Variants in SH2D4A observed in about 807,000 individuals in gnomAD.
The protein encoded by SH2D4A is SH2 domain-containing protein 4A.
SH2D4A carries 70 observed loss-of-function variants against 64.7 expected under a neutral mutation model. The ratio of observed to expected loss-of-function variants is 1.08; its 90% CI spans 0.89 to 1.32. SH2D4A has a LOEUF of 1.32. Among genes scored for constraint, SH2D4A ranks in the 40% most tolerant of loss-of-function variants. The pLI is 0.00. For synonymous variants in SH2D4A, 268 were observed against 200.7 expected, an observed-to-expected ratio of 1.34 and a Z score of -2.83; for missense variants, 706 against 540.1, an observed-to-expected ratio of 1.31 and a Z score of -3.04.
chr8:19,383,955 G>C (rs2053342274), intron 8 of SH2D4A, among the ~76,000 whole-genome samples: 1 of 152,174 alleles, frequency 6.6e-6, no homozygotes, highest in African/African-American at 2.4e-5. Context: ...AAGTAAATCA[G>C]CTGATATGTA....
intron 5 of SH2D4A, 44 bp from the exon 6 acceptor site, chr8:19,361,159 T>A (rs2153648208): frequency 8.1e-7 from 1 of 1,239,092 alleles, no homozygotes; most frequent in East Asian, 2.5e-5. Context: ...GTTCTTTTTT[T>A]GTTTTGTTTT....
intron 1 of SH2D4A, chr8:19,314,110 T>G: frequency 1.2e-6 from 1 of 829,466 alleles, no homozygotes; most frequent in Non-Finnish European, 1.5e-6. Flanking sequence ...CCTGGGGGCT[T>G]GCAGGGGGTG....
intron 6 of SH2D4A, among the ~76,000 whole-genome samples, chr8:19,362,822 T>C (rs1214987087): frequency 6.6e-6 from 1 of 151,980 alleles, no homozygotes; most frequent in Non-Finnish European, 1.5e-5. Flanking sequence ...CCCAAAATAA[T>C]GGGTTGCATA....
chr8:19,339,635 G>A (rs904550776), intron 4 of SH2D4A, among the ~76,000 whole-genome samples: 2 of 151,832 alleles, frequency 1.3e-5, no homozygotes, highest in African/African-American at 2.4e-5. Flanking sequence ...TAGTAGCTGG[G>A]ACTACAGGCA....
At chr8:19,339,063 C>T (rs921393695) in intron 4 of SH2D4A, among the ~76,000 whole-genome samples, 4 of 152,162 alleles carry the variant, frequency 2.6e-5, no homozygotes, top group South Asian at 2.1e-4. Context: ...AGTCTGTGGC[C>T]GAAGGCCTTA....
intron 8 of SH2D4A, among the ~76,000 whole-genome samples, chr8:19,390,144 G>T (rs1227895072): frequency 6.6e-6 from 1 of 152,156 alleles, no homozygotes; most frequent in Non-Finnish European, 1.5e-5. Flanking sequence ...ACTTTGGGAG[G>T]CCGAGGTGGG....
intron 8 of SH2D4A, among the ~76,000 whole-genome samples, chr8:19,393,099 T>A (rs1447563021): frequency 6.6e-6 from 1 of 152,216 alleles, no homozygotes; most frequent in Non-Finnish European, 1.5e-5. Context: ...CCTCTATACA[T>A]GATTTTTATA....
At chr8:19,392,709 G>A (rs549900173) in intron 8 of SH2D4A, among the ~76,000 whole-genome samples, 2 of 152,048 alleles carry the variant, frequency 1.3e-5, no homozygotes, top group Non-Finnish European at 2.9e-5. Flanking sequence ...TGCTCTAAAT[G>A]GGTGTATAAG....
rs1364316463 is a variant in SH2D4A at position 19,363,708 on chromosome 8, C to T, written c.707-364C>T. On this transcript the variant is annotated intron_variant, in intron 6 of 9. Transcript: ENST00000265807. ...GTCATGCAGGGCGTGACAATTGCCTCTTATTACTCAGCACCCCTGCCAGCT... is the reference window on the plus strand; with the variant it reads ...GTCATGCAGGGCGTGACAATTGCCTTTTATTACTCAGCACCCCTGCCAGCT... 9.5e-6 allele frequency: 3 copies of T among 315,344 alleles called. No individual in the cohort carries two copies. The East Asian group carries it at 2.3e-4, about 24-fold the overall frequency. 19.5% of individuals were successfully genotyped at this position (315,344 alleles called of 1,614,324 possible). A position where few individuals can be genotyped will look rare whatever the true frequency, so the allele number is the denominator to read the frequency against.
rs1009231669 is a variant in SH2D4A, at chr8:19,394,881, C to G, written c.*239C>G. On this transcript the variant is annotated 3_prime_UTR_variant, in exon 10 of 10. Transcript: ENST00000265807. ...AGAAGAGTCTCAATTTCAGCAAGTA[C>G]CTGTCATGAAGGGTATGACCTTAAT... 8 of 362,474 alleles carry G rather than the reference C, an allele frequency of 2.2e-5. No individual in the cohort carries two copies. Among genetic ancestry groups the G allele is most frequent in the African/African-American group, 1.7e-4 (8 of 48,046 alleles). The allele number at this position is 362,474 out of a possible 1,614,324, so 22.5% of individuals were successfully genotyped here.
intron 1 of SH2D4A, among the ~76,000 whole-genome samples, chr8:19,317,331 G>C (rs2052106584): frequency 1.0e-5 from 1 of 99,300 alleles, no homozygotes; most frequent in African/African-American, 4.1e-5. Context: ...TTTTTTGGCT[G>C]TTCAAGCCTT....
At chr8:19,337,239 A>G (rs926246124) in intron 4 of SH2D4A, among the ~76,000 whole-genome samples, 5 of 152,202 alleles carry the variant, frequency 3.3e-5, no homozygotes, top group Admixed American at 6.5e-5. Context: ...CAGGCCACAC[A>G]GCGAGGAGCC....
At chr8:19,332,820 T>C (rs1257529537) in intron 2 of SH2D4A, 135 bp from the exon 3 acceptor site, 3 of 659,262 alleles carry the variant, frequency 4.6e-6, no homozygotes, top group South Asian at 6.8e-5. Context: ...TCCTGAGCAG[T>C]TGGAAGTTCT....
chr8:19,357,523 C>G (rs943531475), intron 5 of SH2D4A, among the ~76,000 whole-genome samples: 1 of 152,210 alleles, frequency 6.6e-6, no homozygotes, highest in African/African-American at 2.4e-5. Flanking sequence ...CCCAGAAGAT[C>G]TAACATAGAG....
chr8:19,328,969 G>A (rs1728993141), intron 2 of SH2D4A, among the ~76,000 whole-genome samples: 1 of 152,148 alleles, frequency 6.6e-6, no homozygotes, highest in Non-Finnish European at 1.5e-5. Flanking sequence ...AGCCAGGTGT[G>A]TGGGACCCTG....
At chr8:19,330,634 C>T (rs985167453) in intron 2 of SH2D4A, among the ~76,000 whole-genome samples, 2 of 152,124 alleles carry the variant, frequency 1.3e-5, no homozygotes, top group African/African-American at 2.4e-5. Context: ...CTGCCCTGCC[C>T]GTAGCCCCTG....
intron 1 of SH2D4A, among the ~76,000 whole-genome samples, chr8:19,315,219 T>A (rs2117158639): frequency 6.6e-6 from 1 of 152,282 alleles, no homozygotes; most frequent in Admixed American, 6.5e-5. Flanking sequence ...CACTGTAGCC[T>A]CAAACTCTCC....
At chr8:19,381,716 C>G (rs1384531016) in intron 8 of SH2D4A, among the ~76,000 whole-genome samples, 1 of 152,128 alleles carries the variant, frequency 6.6e-6, no homozygotes, top group Non-Finnish European at 1.5e-5. Context: ...GTGGGCATCC[C>G]TACCTTATTC....
chr8:19,321,732 C>T (rs1269817678), intron 2 of SH2D4A, among the ~76,000 whole-genome samples: 1 of 152,126 alleles, frequency 6.6e-6, no homozygotes, highest in Non-Finnish European at 1.5e-5. Flanking sequence ...TGGGTCTCTT[C>T]TGGGCACCAT....
Sources: allele counts gnomAD v4.1 joint callset (sites outside exome capture counted in the v4.1 genomes callset), GRCh38; gene constraint gnomAD v4.1.1; transcripts MANE v1.5; gene names NCBI Gene and HGNC (gene_info 2026-07-23, HGNC 2026-07-21).